Variants in CSMD1 observed in about 807,000 individuals in gnomAD.
CSMD1 encodes CUB and Sushi multiple domains 1.
In CSMD1, 213 loss-of-function variants were observed where a neutral mutation model predicts 417.5. The observed-to-expected ratio is 0.51, with a 90% CI of 0.46 to 0.57. The LOEUF (loss-of-function observed/expected upper bound fraction) is 0.57, where lower values mean the gene tolerates loss of function less well. Among genes scored for constraint, CSMD1 ranks in the 20% least tolerant of loss-of-function variants. The probability of loss-of-function intolerance (pLI) is 0.00; values close to 1 mark genes in which losing one functional copy is unlikely to be tolerated. For missense variants in CSMD1, 6,923 were observed against 4,529.7 expected (o/e 1.53, Z -15.17); for synonymous variants, 2,862 against 1,736.8 (o/e 1.65, Z -16.11).
Position 3,252,927 on chromosome 8 carries a change from A to T in CSMD1, c.4154-22696T>A, listed in dbSNP as rs1800382656. Among the ~76,000 whole-genome samples, 3 of 151,864 alleles carry T rather than the reference A, an allele frequency of 2.0e-5. No homozygotes were observed. In the South Asian group the frequency reaches 6.2e-4, roughly 32 times the overall value. ...GGTGATATTACCTTTATCATTTTTTATTGTGTCTATTTGATTATTCTCTCT... is the reference window on the plus strand; with the variant it reads ...GGTGATATTACCTTTATCATTTTTTTTTGTGTCTATTTGATTATTCTCTCT... On this transcript the variant is annotated intron_variant, in intron 26 of 69. Coordinates refer to ENST00000635120, the MANE Select transcript of CSMD1 (RefSeq NM_033225.6).
chr8:3,261,352 T>A (rs142124235), intron 26 of CSMD1, among the ~76,000 whole-genome samples: 2 of 152,192 alleles, frequency 1.3e-5, no homozygotes, highest in Admixed American at 1.3e-4. Context: ...TTCTTGGGCA[T>A]TTATCTCAGA....
At chr8:3,566,369 G>C (rs927340239) in intron 10 of CSMD1, among the ~76,000 whole-genome samples, 1 of 152,116 alleles carries the variant, frequency 6.6e-6, no homozygotes, top group Non-Finnish European at 1.5e-5. Flanking sequence ...GGTGGATAGA[G>C]TTAATACAAA....
chr8:4,581,697 G>GCAGGTCGGT (rs1403647992), intron 2 of CSMD1, among the ~76,000 whole-genome samples: 1 of 152,198 alleles, frequency 6.6e-6, no homozygotes, highest in African/African-American at 2.4e-5. Flanking sequence ...GGTCACATAA[G>GCAGGTCGGT]CAGGTCGGTT....
At chr8:3,255,754 G>C (rs1259369895) in intron 26 of CSMD1, among the ~76,000 whole-genome samples, 2 of 152,170 alleles carry the variant, frequency 1.3e-5, no homozygotes, top group African/African-American at 4.8e-5. Flanking sequence ...GGATTTTCCA[G>C]GTGCTGTCTG....
chr8:3,762,701 C>T (rs574763489), intron 5 of CSMD1, among the ~76,000 whole-genome samples: 1 of 152,302 alleles, frequency 6.6e-6, no homozygotes, highest in Admixed American at 6.5e-5. Context: ...AGAGCCAAAG[C>T]TGTCCGTCTG....
chr8:3,770,183 C>A (rs796834864), intron 5 of CSMD1, among the ~76,000 whole-genome samples: 2 of 152,222 alleles, frequency 1.3e-5, no homozygotes, highest in African/African-American at 4.8e-5. Flanking sequence ...ACAGGTCCCT[C>A]TCCCATGATT....
In CSMD1 at chr8:4,061,868, T is replaced by G. The variant is rs576503110; in HGVS notation, c.416-29769A>C. ...GTATAGATGTAGGTCAGTCTTTCCATGACTTGACAACTTCTGAGCATACTG... is the reference window on the plus strand; with the variant it reads ...GTATAGATGTAGGTCAGTCTTTCCAGGACTTGACAACTTCTGAGCATACTG... On this transcript the variant is annotated intron_variant, in intron 3 of 69. Transcript: ENST00000635120. Among the ~76,000 whole-genome samples, 9 of 152,344 alleles carry G rather than the reference T, an allele frequency of 5.9e-5. No individual in the cohort carries two copies. The East Asian group carries it at 1.7e-3, about 29-fold the overall frequency.
At chr8:4,638,525 T>A (rs916957520) in intron 1 of CSMD1, among the ~76,000 whole-genome samples, 1 of 152,146 alleles carries the variant, frequency 6.6e-6, no homozygotes, top group Non-Finnish European at 1.5e-5. Flanking sequence ...ATCCTCACTA[T>A]TGATGTCTAC....
chr8:4,663,194 G>A (rs964942797), intron 1 of CSMD1, among the ~76,000 whole-genome samples: 1 of 152,094 alleles, frequency 6.6e-6, no homozygotes, highest in East Asian at 1.9e-4. Flanking sequence ...GGTTCTCTTG[G>A]CAAGACAAGC....
intron 1 of CSMD1, among the ~76,000 whole-genome samples, chr8:4,910,981 G>T (rs957528228): frequency 6.6e-6 from 1 of 152,092 alleles, no homozygotes; most frequent in African/African-American, 2.4e-5. Context: ...AGACCTGATG[G>T]TTCCATAAGG....
chr8:4,791,074 G>T, intron 1 of CSMD1, among the ~76,000 whole-genome samples: 1 of 152,134 alleles, frequency 6.6e-6, no homozygotes, highest in East Asian at 1.9e-4. Flanking sequence ...GAGACGGTGA[G>T]AGAGACGGTG....
At chr8:3,722,565 C>T (rs17067143) in intron 6 of CSMD1, among the ~76,000 whole-genome samples, 2,330 of 152,180 alleles carry the variant, frequency 0.015, 74 homozygotes, top group African/African-American at 0.052. Flanking sequence ...TCAATGTCTC[C>T]AAAATACTGC....
chr8:3,957,246 T>G (rs1812016921), intron 5 of CSMD1, among the ~76,000 whole-genome samples: 1 of 152,236 alleles, frequency 6.6e-6, no homozygotes, highest in Non-Finnish European at 1.5e-5. Flanking sequence ...ACAGTCTTTG[T>G]GTGTAGGTTT....
At chr8:3,774,641 G>A (rs1304998200) in intron 5 of CSMD1, among the ~76,000 whole-genome samples, 2 of 152,116 alleles carry the variant, frequency 1.3e-5, no homozygotes, top group Non-Finnish European at 2.9e-5. Context: ...TTGTTGAACT[G>A]TGGACAACCT....
intron 50 of CSMD1, among the ~76,000 whole-genome samples, chr8:3,036,632 G>T (rs546886915): frequency 2.6e-5 from 4 of 152,208 alleles, no homozygotes; most frequent in African/African-American, 7.2e-5. Context: ...GTTAGTTCTA[G>T]TACCTTAGAA....
intron 52 of CSMD1, among the ~76,000 whole-genome samples, chr8:3,016,783 C>G (rs1808869972): frequency 6.6e-6 from 1 of 152,110 alleles, no homozygotes; most frequent in African/African-American, 2.4e-5. Context: ...AGCAAATGGA[C>G]TCATTTCTGA....
chr8:4,769,730 C>G (rs181330884), intron 1 of CSMD1, among the ~76,000 whole-genome samples: 1 of 152,294 alleles, frequency 6.6e-6, no homozygotes, highest in East Asian at 1.9e-4. Flanking sequence ...GAAGTCCAAA[C>G]CAGGTAAGTC....
chr8:3,646,045 C>G (rs956966899), intron 7 of CSMD1, among the ~76,000 whole-genome samples: 2 of 145,288 alleles, frequency 1.4e-5, no homozygotes, highest in African/African-American at 5.3e-5. Flanking sequence ...TTCTAAATTC[C>G]CAACCAAAAA....
chr8:4,355,327 ACACACACACACG>A (rs1480209617), intron 3 of CSMD1, among the ~76,000 whole-genome samples: 8 of 151,074 alleles, frequency 5.3e-5, no homozygotes, highest in African/African-American at 1.2e-4. Context: ...ACACACACGC[ACACACACACACG>A]TATATATGAT....
Sources: allele counts gnomAD v4.1 joint callset (sites outside exome capture counted in the v4.1 genomes callset), GRCh38; gene constraint gnomAD v4.1.1; transcripts MANE v1.5; gene names NCBI Gene and HGNC (gene_info 2026-07-23, HGNC 2026-07-21).